PTPRZ1: variants seen among roughly 807,000 people sequenced by gnomAD.
PTPRZ1 encodes protein tyrosine phosphatase receptor type Z1.
A neutral mutation model predicts 214.1 loss-of-function variants in PTPRZ1; 82 were observed. That is an observed-to-expected ratio of 0.38 (90% CI 0.32 to 0.46). The LOEUF is 0.46. Among genes scored for constraint, PTPRZ1 ranks in the 20% least tolerant of loss-of-function variants. The pLI is 1.00. For synonymous variants in PTPRZ1, 945 were observed against 987.9 expected (o/e 0.96, Z 0.81); for missense variants, 2,603 against 2,748.7 (o/e 0.95, Z 1.19).
At chr7:122,009,307 G>C (rs1394994601) in intron 11 of PTPRZ1, among the ~76,000 whole-genome samples, 2 of 151,922 alleles carry the variant, frequency 1.3e-5, no homozygotes, top group Non-Finnish European at 2.9e-5. Flanking sequence ...TCTTTCTACT[G>C]ATACTGGTCA....
intron 27 of PTPRZ1, among the ~76,000 whole-genome samples, chr7:122,058,038 G>T (rs957981823): frequency 6.7e-6 from 1 of 150,144 alleles, no homozygotes; most frequent in Non-Finnish European, 1.5e-5. Flanking sequence ...TATTCCATTG[G>T]TCACTTTGTT....
At chr7:121,936,706 C>G (rs1796095649) in intron 2 of PTPRZ1, among the ~76,000 whole-genome samples, 1 of 152,182 alleles carries the variant, frequency 6.6e-6, no homozygotes, top group African/African-American at 2.4e-5. Flanking sequence ...CTAACCCCAT[C>G]AGATGTTATC....
At chr7:122,031,033 G>A (rs1011097170) in intron 14 of PTPRZ1, among the ~76,000 whole-genome samples, 1 of 151,932 alleles carries the variant, frequency 6.6e-6, no homozygotes. Flanking sequence ...ACATTAAATT[G>A]TACAGTTTTA....
At chr7:121,997,209 A>G (rs1227059364) in intron 9 of PTPRZ1, among the ~76,000 whole-genome samples, 1 of 152,168 alleles carries the variant, frequency 6.6e-6, no homozygotes, top group East Asian at 1.9e-4. Flanking sequence ...ATCTGGATGT[A>G]GGTCCAGAAA....
At chr7:122,041,794 T>G (rs1442440537) in intron 21 of PTPRZ1, among the ~76,000 whole-genome samples, 1 of 152,210 alleles carries the variant, frequency 6.6e-6, no homozygotes, top group African/African-American at 2.4e-5. Context: ...ACATTCTAAT[T>G]ACCATCTCAG....
chr7:122,022,954 A>G (rs1471207243), intron 13 of PTPRZ1, among the ~76,000 whole-genome samples: 1 of 152,180 alleles, frequency 6.6e-6, no homozygotes, highest in African/African-American at 2.4e-5. Flanking sequence ...GGATCCAAAG[A>G]CTTTTCAATG....
chr7:122,044,759 A>G (rs944364794), intron 23 of PTPRZ1, among the ~76,000 whole-genome samples, 191 bp downstream of exon 23: 2 of 152,208 alleles, frequency 1.3e-5, no homozygotes, highest in Non-Finnish European at 2.9e-5. Context: ...AATTCTGAGC[A>G]GCAAGAGGAA....
chr7:122,037,269 C>A (rs1368914183), intron 18 of PTPRZ1, among the ~76,000 whole-genome samples: 1 of 146,142 alleles, frequency 6.8e-6, no homozygotes. Context: ...AGTGAGACTC[C>A]GTCTCAGAAA....
intron 2 of PTPRZ1, among the ~76,000 whole-genome samples, chr7:121,956,608 A>G (rs368516954): frequency 2.9e-4 from 44 of 152,388 alleles, no homozygotes; most frequent in African/African-American, 5.3e-4. Context: ...ACGCCATCTC[A>G]GTGGCACCAC....
intron 1 of PTPRZ1, among the ~76,000 whole-genome samples, chr7:121,924,554 A>G (rs1437392796): frequency 6.6e-6 from 1 of 152,230 alleles, no homozygotes; most frequent in South Asian, 2.1e-4. Flanking sequence ...TTCTTAATGT[A>G]AGTAATTAAA....
At chr7:121,970,899 T>A (rs1279152051) in intron 3 of PTPRZ1, among the ~76,000 whole-genome samples, 2 of 152,194 alleles carry the variant, frequency 1.3e-5, no homozygotes, top group Non-Finnish European at 2.9e-5. Flanking sequence ...CTGAATGGTA[T>A]TGCCTAGGTT....
chr7:121,904,392 CT>C (rs1795059611), intron 1 of PTPRZ1, among the ~76,000 whole-genome samples: 1 of 152,304 alleles, frequency 6.6e-6, no homozygotes, highest in Non-Finnish European at 1.5e-5. Context: ...TATCAGGGAG[CT>C]GTGCAGTGGG....
chr7:122,018,551 G>A (rs1448603937), intron 12 of PTPRZ1, among the ~76,000 whole-genome samples: 5 of 149,886 alleles, frequency 3.3e-5, no homozygotes, highest in Non-Finnish European at 5.9e-5. Context: ...TGGGTAAGAA[G>A]AACATTCAAA....
intron 12 of PTPRZ1, among the ~76,000 whole-genome samples, chr7:122,016,010 TA>T (rs565268903): frequency 2.5e-3 from 385 of 152,202 alleles, no homozygotes; most frequent in Non-Finnish European, 4.0e-3. Flanking sequence ...CTCTGAAACT[TA>T]AGATTTTATG....
At chr7:121,916,055 C>T (rs1795415272) in intron 1 of PTPRZ1, among the ~76,000 whole-genome samples, 2 of 151,970 alleles carry the variant, frequency 1.3e-5, no homozygotes, top group South Asian at 4.1e-4. Flanking sequence ...GCGGGCAGAT[C>T]ATGAAGTCAA....
intron 13 of PTPRZ1, among the ~76,000 whole-genome samples, chr7:122,023,672 T>C (rs1799105904): frequency 7.5e-6 from 1 of 133,466 alleles, no homozygotes; most frequent in Admixed American, 8.4e-5. Context: ...TGTATAATTT[T>C]ATATATAATT....
At position 122,055,782 on chromosome 7, in the gene PTPRZ1, G is replaced by A. The variant is rs115122572; in HGVS notation, c.6528+695G>A. ...ATACTAACAATGATGTCTAAGGAAT[G>A]TGAGATTCAGAGTACCTTCTCAATA... is the stretch of plus-strand genomic sequence containing the variant. On this transcript the variant is annotated intron_variant, in intron 27 of 29. Transcript: ENST00000393386. Among the ~76,000 whole-genome samples the A allele has an allele frequency of 4.4e-3, 665 of 152,000 alleles. 10 individuals are homozygous for A. The highest frequency in any genetic ancestry group is 0.015 in the African/African-American group (612 of 41,524).
At chr7:121,996,065 A>G (rs1798123857) in intron 8 of PTPRZ1, among the ~76,000 whole-genome samples, 1 of 152,218 alleles carries the variant, frequency 6.6e-6, no homozygotes, top group South Asian at 2.1e-4. Flanking sequence ...CAAATAATGC[A>G]GTAATAATGA....
intron 1 of PTPRZ1, among the ~76,000 whole-genome samples, chr7:121,914,885 T>A (rs371113271): frequency 9.9e-5 from 15 of 152,120 alleles, no homozygotes; most frequent in African/African-American, 3.4e-4. Context: ...CATGCTGACA[T>A]TACATGTGAA....
Sources: allele counts gnomAD v4.1 joint callset (sites outside exome capture counted in the v4.1 genomes callset), GRCh38; gene constraint gnomAD v4.1.1; transcripts MANE v1.5; gene names NCBI Gene and HGNC (gene_info 2026-07-23, HGNC 2026-07-21).